Variants in ASPSCR1 observed in about 807,000 individuals in gnomAD.
ASPSCR1 encodes ASPSCR1 tether for SLC2A4, UBX domain containing, also known as tether containing UBX domain for GLUT4.
In ASPSCR1, 55 loss-of-function variants were observed where a neutral mutation model predicts 68.9. That is an observed-to-expected ratio of 0.80 (90% CI 0.64 to 1.00). The LOEUF (loss-of-function observed/expected upper bound fraction) is 1.00, where lower values mean the gene tolerates loss of function less well. Ranked by LOEUF, ASPSCR1 falls within the 50% of genes least tolerant of loss-of-function variation. The pLI is 0.00. For synonymous variants in ASPSCR1, 352 were observed against 332.6 expected (o/e 1.06, Z -0.63); for missense variants, 765 against 762.2 (o/e 1.00, Z -0.04).
At position 81,986,561 on chromosome 17, in the gene ASPSCR1, C is replaced by G. The variant is rs1333573877; in HGVS notation, c.374+954C>G. Among the ~76,000 whole-genome samples the G allele has an allele frequency of 6.6e-6, 1 of 152,246 alleles. No homozygotes were observed. Among genetic ancestry groups the G allele is most frequent in the East Asian group, 1.9e-4 (1 of 5,202 alleles). On this transcript the variant is annotated intron_variant, in intron 4 of 15. Transcript: ENST00000306739. This position sits in a 1 kb window ranked among gnomAD's most constrained non-coding sequence, Gnocchi z 5.2. Reference sequence around the variant, plus strand: ...GGTCTTTTCATCGTTGGCTGGAAGTCTCTGTCCACAGTAAAAGGCTCAGCA... The same window carrying G: ...GGTCTTTTCATCGTTGGCTGGAAGTGTCTGTCCACAGTAAAAGGCTCAGCA...
rs551781129 is a variant in ASPSCR1, at chr17:81,986,777, C to T, written c.374+1170C>T. Among the ~76,000 whole-genome samples the T allele has an allele frequency of 4.6e-5, 7 of 152,314 alleles. No individual in the cohort carries two copies. The highest frequency in any genetic ancestry group is 1.4e-4 in the African/African-American group (6 of 41,572). Reference sequence around the variant, plus strand: ...TGGGAAGGTGACTGTGCGTTGGGCGCGCTTGGTGGCCCCAGGGCTGGGCCT... The same window carrying T: ...TGGGAAGGTGACTGTGCGTTGGGCGTGCTTGGTGGCCCCAGGGCTGGGCCT... On this transcript the variant is annotated intron_variant, in intron 4 of 15. Coordinates refer to ENST00000306739, the MANE Select transcript of ASPSCR1 (RefSeq NM_024083.4). The surrounding 1 kb of genome is among the most constrained non-coding windows in gnomAD (Gnocchi z 5.2).
Position 81,977,683 on chromosome 17 carries a change from T to A in ASPSCR1, c.37T>A (p.Ser13Thr), listed in dbSNP as rs1219418276. ...GGCAGGCGGCGGAGGCTCCGCGGTGTCGGTGCTGGCCCCGAACGGCCGGCG... is the reference window on the plus strand; with the variant it reads ...GGCAGGCGGCGGAGGCTCCGCGGTGACGGTGCTGGCCCCGAACGGCCGGCG... ...APAGGGGSAV[S>T]VLAPNGRRHT... is the part of the protein sequence containing the mutation. Residue 13 changes from serine to threonine, a missense_variant, in exon 1 of 16, where the codon TCG becomes ACG. By Grantham distance (58) the Ser-to-Thr change is moderately conservative (BLOSUM62 1). Coordinates refer to ENST00000306739, the MANE Select transcript of ASPSCR1 (RefSeq NM_024083.4). The surrounding 1 kb of genome is among the most constrained non-coding windows in gnomAD (Gnocchi z 5.0). 7.2e-7 allele frequency: 1 copy of A among 1,397,600 alleles called. No individual in the cohort carries two copies. The highest frequency in any genetic ancestry group is 9.3e-7 in the Non-Finnish European group (1 of 1,071,180). The allele number at this position is 1,397,600 out of a possible 1,614,324, so 86.6% of individuals were successfully genotyped here.
intron 12 of ASPSCR1, 112 bp from the exon 13 acceptor site, chr17:82,016,364 C>A: frequency 4.1e-6 from 4 of 978,576 alleles, no homozygotes; most frequent in Non-Finnish European, 4.5e-6. Context: ...GCCGGGCAGG[C>A]AGAGCCTGTC....
At chr17:81,979,518 TC>T (rs1262784530) in intron 2 of ASPSCR1, among the ~76,000 whole-genome samples, 1 of 152,214 alleles carries the variant, frequency 6.6e-6, no homozygotes, top group Non-Finnish European at 1.5e-5. Flanking sequence ...TTTCCTGTTT[TC>T]TCTGTGTCTC....
Position 82,009,217 on chromosome 17 carries a change from G to A in ASPSCR1, c.1088+26G>A, listed in dbSNP as rs1334165093. ...GTGGGTGCCCCCTCAGTGCCTCCCG[G>A]CATCTTCGCGCCAGGGTTTGCCCCA... On this transcript the variant is annotated intron_variant, in intron 8 of 15. Transcript: ENST00000306739. The A allele has an allele frequency of 3.2e-6, 5 of 1,574,222 alleles. No individual in the cohort carries two copies. The South Asian group carries it at 5.7e-5, about 18-fold the overall frequency.
In ASPSCR1 at chr17:81,990,276, C is replaced by G. The variant is rs759547272; in HGVS notation, c.375-4545C>G. Among the ~76,000 whole-genome samples, 16 of 152,222 alleles carry G rather than the reference C, an allele frequency of 1.1e-4. No homozygotes were observed. Among genetic ancestry groups the G allele is most frequent in the Non-Finnish European group, 2.1e-4 (14 of 68,048 alleles). The stretch of plus-strand genomic sequence containing the variant: ...TATGGTGCACTTGGAGCATCTCGGT[C>G]TGGGCCGGGTCCTCGTGGACTGGGC... On this transcript the variant is annotated intron_variant, in intron 4 of 15. Coordinates refer to ENST00000306739, the MANE Select transcript of ASPSCR1 (RefSeq NM_024083.4). The surrounding 1 kb of genome is among the most constrained non-coding windows in gnomAD (Gnocchi z 4.1).
chr17:81,995,318 G>T (rs773457089), intron 5 of ASPSCR1: 4 of 336,768 alleles, frequency 1.2e-5, no homozygotes, highest in Non-Finnish European at 1.6e-5. Context: ...GGCCCTGGGG[G>T]GCCAGGACAT....
Position 82,016,973 on chromosome 17 carries a change from C to G in ASPSCR1, c.1508C>G (p.Pro503Arg). ...YMSRAAGSPS[P>R]LPAPDPAPKS... ...TCCAGGGCCGCCGGGTCCCCTTCCC[C>G]ATTGCCAGCCCCTGACCCTGCACCT... The change falls in exon 15 of 16, where the codon CCA becomes CGA. Residue 503 changes from proline (P) to arginine (R), a missense_variant. Physicochemically the swap from Pro to Arg is moderately radical, Grantham distance 103. Transcript: ENST00000306739. 6.2e-7 allele frequency: 1 copy of G among 1,612,084 alleles called. No homozygotes were observed. Among genetic ancestry groups the G allele is most frequent in the Non-Finnish European group, 8.5e-7 (1 of 1,179,458 alleles).
intron 7 of ASPSCR1, chr17:82,005,321 C>T (rs4461144): frequency 0.09 from 13,725 of 152,104 alleles, 1,034 homozygotes; most frequent in African/African-American, 0.2. Flanking sequence ...CGGAGGCCTG[C>T]GGGGCAGTGG....
At chr17:82,017,224 C>G (rs1019653046) in intron 15 of ASPSCR1, 85 bp from the exon 16 acceptor site, 5 of 1,595,724 alleles carry the variant, frequency 3.1e-6, no homozygotes, top group South Asian at 1.1e-5. Flanking sequence ...CCGGCAGGGC[C>G]GAGTGCTTCA....
rs1012805556 is a variant in ASPSCR1, at chr17:81,987,506, G to T, written c.374+1899G>T. Among the ~76,000 whole-genome samples, 3 of 152,194 alleles carry T rather than the reference G, an allele frequency of 2.0e-5. No homozygotes were observed. The highest frequency in any genetic ancestry group is 7.2e-5 in the African/African-American group (3 of 41,446). On this transcript the variant is annotated intron_variant, in intron 4 of 15. Transcript: ENST00000306739. The surrounding 1 kb of genome is among the most constrained non-coding windows in gnomAD (Gnocchi z 5.6). The stretch of plus-strand genomic sequence containing the variant: ...CCACAGGCACAGGTGCTTGGTGAGG[G>T]CCGTCCTCCCTGGCTGTGCTGTCAG...
In ASPSCR1 at chr17:82,014,872, C is replaced by T. The variant is rs140182235; in HGVS notation, c.1354-1604C>T. 2.2e-3 allele frequency: 1,487 copies of T among 668,818 alleles called. 4 individuals are homozygous for T. The highest frequency in any genetic ancestry group is 0.017 in the African/African-American group (948 of 55,152). 41.4% of individuals were successfully genotyped at this position (668,818 alleles called of 1,614,324 possible). A position where few individuals can be genotyped will look rare whatever the true frequency, so the allele number is the denominator to read the frequency against. On this transcript the variant is annotated intron_variant, in intron 12 of 15. Coordinates refer to ENST00000306739, the MANE Select transcript of ASPSCR1 (RefSeq NM_024083.4). ...TCCTGGGCGGCAGCTAGGGAGGGGC[C>T]GGCTCCAGGCCCTCAGGCTGTGTCA...
chr17:82,016,242 G>A, intron 12 of ASPSCR1: 2 of 567,186 alleles, frequency 3.5e-6, no homozygotes, highest in Admixed American at 3.0e-5. Context: ...GCCTTCAGCT[G>A]GCTTGGGGCT....
intron 12 of ASPSCR1, chr17:82,016,185 G>A: frequency 2.2e-6 from 1 of 460,884 alleles, no homozygotes; most frequent in East Asian, 3.4e-5. Flanking sequence ...GAGGCCAGAG[G>A]AGGGAGGACG....
At chr17:81,989,852 A>G (rs1024956245) in intron 4 of ASPSCR1, among the ~76,000 whole-genome samples, 2 of 152,164 alleles carry the variant, frequency 1.3e-5, no homozygotes, top group Non-Finnish European at 2.9e-5. Context: ...CAGTGGTGCG[A>G]TCTTGGCTCA....
rs758249476 is a variant in ASPSCR1, at chr17:82,009,189, G to A, written c.1086G>A (p.Glu362=). The change falls in exon 8 of 16, where the codon GAG becomes GAA. Residue 362 remains glutamate, a splice_region_variant and synonymous_variant. Transcript: ENST00000306739. ...VRRRLAQLKS[E]RKRLEEAPLV... is the part of the protein sequence containing the mutation. ...GACGCTTGGCCCAGCTCAAGAGTGA[G>A]CGGTGGGTGCCCCCTCAGTGCCTCC... 1 of 1,604,414 alleles carries A rather than the reference G, an allele frequency of 6.2e-7. No homozygotes were observed. The highest frequency in any genetic ancestry group is 1.1e-5 in the South Asian group (1 of 90,198).
chr17:81,985,455 G>A, intron 3 of ASPSCR1, 52 bp from the exon 4 acceptor site: 2 of 1,566,294 alleles, frequency 1.3e-6, no homozygotes, highest in African/African-American at 1.4e-5. Flanking sequence ...GGATTTAGAA[G>A]GAATAGTTGC....
At chr17:82,016,156 C>T (rs2043118397) in intron 12 of ASPSCR1, 1 of 373,868 alleles carries the variant, frequency 2.7e-6, no homozygotes, top group Non-Finnish European at 4.9e-6. Context: ...CACGCCTGGC[C>T]CCACCTTCCT....
intron 7 of ASPSCR1, among the ~76,000 whole-genome samples, chr17:81,998,907 C>T (rs987558256): frequency 1.8e-4 from 27 of 152,348 alleles, no homozygotes; most frequent in African/African-American, 3.4e-4. Flanking sequence ...TGCTGACCTC[C>T]GAGCATGCCT....
Sources: gnomAD v4.1 joint callset for allele counts (sites outside exome capture counted in the v4.1 genomes callset) on GRCh38, gnomAD v4.1.1 for gene constraint, Gnocchi (gnomAD v3.1) non-coding constraint, MANE v1.5 for transcripts, NCBI Gene and HGNC (gene_info 2026-07-23, HGNC 2026-07-21) for gene names.